The following RB1 variants were observed in gnomAD, a reference collection of about 807,000 sequenced individuals.
The protein encoded by RB1 is retinoblastoma-associated protein.
RB1 carries 18 observed loss-of-function variants against 135.4 expected under a neutral mutation model. That is an observed-to-expected ratio of 0.13 (90% CI 0.09 to 0.20). The LOEUF (loss-of-function observed/expected upper bound fraction) is 0.20, where lower values mean the gene tolerates loss of function less well. Ranked by LOEUF, RB1 falls within the 10% of genes least tolerant of loss-of-function variation. RB1 has a pLI of 1.00. For missense variants in RB1, 868 were observed against 1,110.0 expected, an observed-to-expected ratio of 0.78 and a Z score of 3.10; for synonymous variants, 365 against 373.2, an observed-to-expected ratio of 0.98 and a Z score of 0.25.
chr13:48,350,941 A>G (rs1047797809), intron 6 of RB1, among the ~76,000 whole-genome samples: 3 of 152,204 alleles, frequency 2.0e-5, no homozygotes, highest in Admixed American at 1.3e-4. Context: ...ATAGAATTCC[A>G]TGGTATATAT....
intron 17 of RB1, among the ~76,000 whole-genome samples, chr13:48,433,357 A>G (rs1217310572): frequency 1.3e-5 from 2 of 152,158 alleles, no homozygotes; most frequent in African/African-American, 4.8e-5. Context: ...TTTTAAAATT[A>G]TCTTTGATTA....
At chr13:48,459,910 TTTC>T (rs1269810033) in intron 20 of RB1, 77 bp downstream of exon 20, 2 of 477,242 alleles carry the variant, frequency 4.2e-6, no homozygotes, top group African/African-American at 8.2e-5. Context: ...TCTTTCTTTC[TTTC>T]TTTCTTTCTT....
At chr13:48,472,299 C>T (rs2138353151) in intron 23 of RB1, among the ~76,000 whole-genome samples, 1 of 152,212 alleles carries the variant, frequency 6.6e-6, no homozygotes, top group African/African-American at 2.4e-5. Context: ...AAATTTCAAA[C>T]TCTACAGAAA....
At chr13:48,426,678 T>C (rs1949083745) in intron 17 of RB1, 1 of 152,236 alleles carries the variant, frequency 6.6e-6, no homozygotes, top group African/African-American at 2.4e-5. Flanking sequence ...TAGCTGATTA[T>C]TGCTGGAGCA....
chr13:48,317,090 C>T (rs1730856877), intron 2 of RB1: 1 of 894,212 alleles, frequency 1.1e-6, no homozygotes, highest in Non-Finnish European at 1.5e-6. Context: ...GCCCGCCGTC[C>T]TTCTTCGCCA....
intron 2 of RB1, among the ~76,000 whole-genome samples, chr13:48,331,037 G>C (rs958286956): frequency 1.2e-4 from 19 of 152,132 alleles, no homozygotes; most frequent in African/African-American, 4.6e-4. Flanking sequence ...CAAATTATGT[G>C]ATCATCTTAA....
intron 2 of RB1, chr13:48,316,975 C>A: frequency 2.4e-6 from 1 of 423,446 alleles, no homozygotes; most frequent in Non-Finnish European, 4.3e-6. Context: ...TCGTCCCTAT[C>A]GATGACCCTT....
chr13:48,340,902 CAT>C (rs1952437401), intron 2 of RB1: 1 of 153,060 alleles, frequency 6.5e-6, no homozygotes, highest in African/African-American at 2.4e-5. Flanking sequence ...AAGTATGTAA[CAT>C]AGTTTCAAAA....
intron 17 of RB1, among the ~76,000 whole-genome samples, chr13:48,433,463 GA>G (rs1949150629): frequency 3.3e-5 from 5 of 152,036 alleles, no homozygotes; most frequent in Admixed American, 3.3e-4. Context: ...CTTTTTCAGG[GA>G]CTCCCTCAGA....
intron 23 of RB1, among the ~76,000 whole-genome samples, chr13:48,472,813 G>A (rs1472651800): frequency 2.0e-5 from 3 of 152,136 alleles, no homozygotes; most frequent in East Asian, 1.9e-4. Context: ...AATCTTTGTC[G>A]AGTCATGTCA....
rs1949531781 is a variant in RB1, at chr13:48,480,444, T to A, written c.*373T>A. ...TCTTTTGTAGCATATAGGTGATGTT[T>A]GCTCTTGTTTTTATTAATTTATATG... On this transcript the variant is annotated 3_prime_UTR_variant, in exon 27 of 27. Transcript: ENST00000267163. 4.0e-6 allele frequency: 1 copy of A among 251,286 alleles called. No homozygotes were observed. Among genetic ancestry groups the A allele is most frequent in the Non-Finnish European group, 7.8e-6 (1 of 128,938 alleles). 15.6% of individuals were successfully genotyped at this position (251,286 alleles called of 1,614,324 possible). A position where few individuals can be genotyped will look rare whatever the true frequency, so the allele number is the denominator to read the frequency against.
intron 9 of RB1, among the ~76,000 whole-genome samples, chr13:48,365,902 T>C (rs1452802338): frequency 6.6e-6 from 1 of 152,218 alleles, no homozygotes. Context: ...GGTTCTGTGA[T>C]ATCTCAAAGG....
chr13:48,460,212 G>A lies in RB1; in HGVS notation c.2106+379G>A, dbSNP rs546026457. ...TCAAACTCCTGACCTCAGGTGATCC[G>A]TCTACCTAAGGCCTCCCAAAGTGTT... On this transcript the variant is annotated intron_variant, in intron 20 of 26. Transcript: ENST00000267163. 4.0e-5 allele frequency among the ~76,000 whole-genome samples: 6 copies of A among 151,664 alleles called. No individual in the cohort carries two copies. In the South Asian group the frequency reaches 6.3e-4, roughly 16 times the overall value.
intron 17 of RB1, among the ~76,000 whole-genome samples, chr13:48,409,008 T>C (rs1948764566): frequency 6.6e-6 from 1 of 152,070 alleles, no homozygotes; most frequent in South Asian, 2.1e-4. Flanking sequence ...GAGTGTATTT[T>C]TATTTACTGA....
At chr13:48,325,572 T>C (rs1008302890) in intron 2 of RB1, among the ~76,000 whole-genome samples, 1 of 152,220 alleles carries the variant, frequency 6.6e-6, no homozygotes, top group African/African-American at 2.4e-5. Flanking sequence ...CCACTTCTCT[T>C]CAGAGGCAAC....
chr13:48,378,580 CT>C (rs78361349), intron 13 of RB1, among the ~76,000 whole-genome samples: 1,466 of 142,328 alleles, frequency 0.01, 6 homozygotes, highest in South Asian at 0.016. Flanking sequence ...TTACATTTAA[CT>C]TTTTTTTTTT....
chr13:48,344,812 A>T (rs1952477639), intron 3 of RB1, among the ~76,000 whole-genome samples: 1 of 152,184 alleles, frequency 6.6e-6, no homozygotes, highest in African/African-American at 2.4e-5. Context: ...ACATAGACAG[A>T]TACAGAATAA....
intron 2 of RB1, chr13:48,320,346 C>G (rs1952223680): frequency 4.8e-6 from 6 of 1,256,048 alleles, no homozygotes; most frequent in Non-Finnish European, 5.7e-6. Context: ...CCCGGGCGCT[C>G]ACCGACACGC....
Position 48,381,284 on chromosome 13 carries a change from G to A in RB1, c.1536G>A (p.Leu512=), listed in dbSNP as rs879124999. 2 of 1,610,522 alleles carry A rather than the reference G, an allele frequency of 1.2e-6. No individual in the cohort carries two copies. The highest frequency in any genetic ancestry group is 2.2e-5 in the East Asian group (1 of 44,636). The stretch of plus-strand genomic sequence containing the variant: ...AGAATCTTGATTCTGGAACAGATTT[G>A]TCTTTCCCATGGATTCTGAATGTGC... ...TSQNLDSGTD[L]SFPWILNVLN... Residue 512 remains leucine (L), a synonymous_variant, in exon 17 of 27, where the codon TTG becomes TTA. Transcript: ENST00000267163.
Sources: gnomAD v4.1 joint callset for allele counts (sites outside exome capture counted in the v4.1 genomes callset) on GRCh38, gnomAD v4.1.1 for gene constraint, MANE v1.5 for transcripts, NCBI Gene and HGNC (gene_info 2026-07-23, HGNC 2026-07-21) for gene names.